SORCS1: variants seen among roughly 807,000 people sequenced by gnomAD.
SORCS1 encodes the protein sortilin related VPS10 domain containing receptor 1, also known as VPS10 domain-containing receptor SorCS1.
In SORCS1, 60 loss-of-function variants were observed where a neutral mutation model predicts 146.1. The observed-to-expected ratio is 0.41, with a 90% CI of 0.33 to 0.51. The LOEUF is 0.51. Among genes scored for constraint, SORCS1 ranks in the 20% least tolerant of loss-of-function variants. The pLI is 0.21. For missense variants in SORCS1, 1,352 were observed against 1,487.6 expected (o/e 0.91, Z 1.50); for synonymous variants, 637 against 584.0 (o/e 1.09, Z -1.31).
At chr10:106,773,203 GA>G (rs1183358209) in intron 4 of SORCS1, among the ~76,000 whole-genome samples, 1 of 152,230 alleles carries the variant, frequency 6.6e-6, no homozygotes, top group African/African-American at 2.4e-5. Context: ...AGCTGTCACA[GA>G]AAAACTGATG....
At chr10:107,033,255 A>G (rs1958748326) in intron 1 of SORCS1, among the ~76,000 whole-genome samples, 1 of 152,226 alleles carries the variant, frequency 6.6e-6, no homozygotes, top group African/African-American at 2.4e-5. Flanking sequence ...TCACGAGAAC[A>G]GCAAAGGGGA....
intron 2 of SORCS1, among the ~76,000 whole-genome samples, chr10:106,870,382 C>A (rs1950363111): frequency 6.6e-6 from 1 of 152,126 alleles, no homozygotes; most frequent in Non-Finnish European, 1.5e-5. Flanking sequence ...ATAGCCCAGG[C>A]AATCTTAAGC....
chr10:106,815,729 G>C (rs1947708799), intron 3 of SORCS1, among the ~76,000 whole-genome samples: 1 of 152,152 alleles, frequency 6.6e-6, no homozygotes, highest in South Asian at 2.1e-4. Context: ...ATCTTCACAA[G>C]TCTATAAAAT....
chr10:106,715,170 T>C (rs1459699636), intron 6 of SORCS1, among the ~76,000 whole-genome samples: 2 of 152,248 alleles, frequency 1.3e-5, no homozygotes, highest in Non-Finnish European at 2.9e-5. Context: ...ATGAACTCTT[T>C]CCATATTCAA....
In SORCS1 at chr10:106,761,739, A is replaced by G. The variant is rs1467083244; in HGVS notation, c.886-78T>C. ...ACAAACATCAGTTCATTGGATCAAT[A>G]GTAATAATAATAATACCCAACATTT... On this transcript the variant is annotated intron_variant, in intron 4 of 25. Transcript: ENST00000263054. 10 of 1,189,442 alleles carry G rather than the reference A, an allele frequency of 8.4e-6. No homozygotes were observed. The East Asian group carries it at 2.4e-4, about 29-fold the overall frequency. The allele number at this position is 1,189,442 out of a possible 1,614,324, so 73.7% of individuals were successfully genotyped here. A position where few individuals can be genotyped will look rare whatever the true frequency, so the allele number is the denominator to read the frequency against.
At chr10:106,621,083 A>T (rs1018855215) in intron 19 of SORCS1, among the ~76,000 whole-genome samples, 1 of 152,228 alleles carries the variant, frequency 6.6e-6, no homozygotes, top group Non-Finnish European at 1.5e-5. Context: ...TTAGGTAAGC[A>T]TGGCACACAC....
At chr10:106,979,025 T>C (rs929532210) in intron 1 of SORCS1, among the ~76,000 whole-genome samples, 3 of 152,064 alleles carry the variant, frequency 2.0e-5, no homozygotes, top group African/African-American at 7.2e-5. Flanking sequence ...ACATAAGTGG[T>C]AGAGAAGACA....
chr10:107,111,502 T>C (rs1335574797), intron 1 of SORCS1, among the ~76,000 whole-genome samples: 2 of 152,088 alleles, frequency 1.3e-5, no homozygotes, highest in African/African-American at 4.8e-5. Flanking sequence ...GACAGGCCAT[T>C]TGAAATTAGC....
At chr10:106,663,281 T>C (rs535578655) in intron 17 of SORCS1, among the ~76,000 whole-genome samples, 2 of 152,252 alleles carry the variant, frequency 1.3e-5, no homozygotes, top group South Asian at 4.1e-4. Context: ...AGAAGAACAA[T>C]GTATCTAGTA....
At chr10:107,059,174 C>T (rs1446779312) in intron 1 of SORCS1, among the ~76,000 whole-genome samples, 1 of 152,138 alleles carries the variant, frequency 6.6e-6, no homozygotes, top group Non-Finnish European at 1.5e-5. Context: ...GTTGTTTTCT[C>T]ACTAGAACCT....
chr10:106,717,394 G>A (rs983859512), intron 6 of SORCS1, among the ~76,000 whole-genome samples: 47 of 152,176 alleles, frequency 3.1e-4, no homozygotes, highest in Admixed American at 3.0e-3. Context: ...AATGTCAAAA[G>A]TGAGATTCTA....
intron 2 of SORCS1, among the ~76,000 whole-genome samples, chr10:106,835,679 A>C (rs1338439782): frequency 6.6e-6 from 1 of 152,166 alleles, no homozygotes; most frequent in Non-Finnish European, 1.5e-5. Context: ...ATTATGTCAC[A>C]ATTCCATTTC....
At chr10:106,700,930 A>ATGTC (rs1316074962) in intron 8 of SORCS1, among the ~76,000 whole-genome samples, 1 of 152,190 alleles carries the variant, frequency 6.6e-6, no homozygotes, top group African/African-American at 2.4e-5. Flanking sequence ...TATCTGTTGA[A>ATGTC]TGTCTATTTA....
At chr10:106,806,389 T>TA (rs1182707795) in intron 3 of SORCS1, among the ~76,000 whole-genome samples, 5 of 82,102 alleles carry the variant, frequency 6.1e-5, no homozygotes, top group African/African-American at 3.1e-4. Context: ...AAAATAAAAA[T>TA]AAAATAAAAT....
chr10:107,067,044 C>T (rs531575558), intron 1 of SORCS1, among the ~76,000 whole-genome samples: 89 of 152,242 alleles, frequency 5.8e-4, no homozygotes, highest in Non-Finnish European at 1.2e-3. Flanking sequence ...AAACCACAGA[C>T]AGTTTATTTG....
chr10:106,665,681 T>C (rs1851077497), intron 17 of SORCS1, among the ~76,000 whole-genome samples: 1 of 152,174 alleles, frequency 6.6e-6, no homozygotes, highest in Admixed American at 6.5e-5. Context: ...CTCTAAAAAA[T>C]AAGACTTATT....
intron 1 of SORCS1, among the ~76,000 whole-genome samples, chr10:106,991,488 T>G (rs958524995): frequency 6.6e-6 from 1 of 152,220 alleles, no homozygotes; most frequent in African/African-American, 2.4e-5. Flanking sequence ...CAATTCTTAC[T>G]TGAAAACTGA....
intron 1 of SORCS1, among the ~76,000 whole-genome samples, chr10:107,051,481 G>A (rs923649033): frequency 3.3e-5 from 5 of 152,078 alleles, no homozygotes; most frequent in African/African-American, 1.2e-4. Flanking sequence ...AGTTGTCAAC[G>A]CCAATGGGTG....
intron 24 of SORCS1, among the ~76,000 whole-genome samples, chr10:106,585,958 C>A (rs1339398302): frequency 2.0e-5 from 3 of 152,222 alleles, no homozygotes; most frequent in Non-Finnish European, 4.4e-5. Context: ...CAACCAACAA[C>A]CCATAGCTGA....
Sources: gnomAD v4.1 joint callset for allele counts (sites outside exome capture counted in the v4.1 genomes callset) on GRCh38, gnomAD v4.1.1 for gene constraint, MANE v1.5 for transcripts, NCBI Gene and HGNC (gene_info 2026-07-23, HGNC 2026-07-21) for gene names.